Variants in DSCAM observed in about 807,000 individuals in gnomAD.
The protein encoded by DSCAM is DS cell adhesion molecule.
DSCAM carries 47 observed loss-of-function variants against 217.7 expected under a neutral mutation model. The ratio of observed to expected loss-of-function variants is 0.22; its 90% CI spans 0.17 to 0.28. The LOEUF (loss-of-function observed/expected upper bound fraction) is 0.28, where lower values mean the gene tolerates loss of function less well. Ranked by LOEUF, DSCAM falls within the 10% of genes least tolerant of loss-of-function variation. The probability of loss-of-function intolerance (pLI) is 1.00; values close to 1 mark genes in which losing one functional copy is unlikely to be tolerated. For missense variants in DSCAM, 2,080 were observed against 2,618.3 expected, an observed-to-expected ratio of 0.79 and a Z score of 4.49; for synonymous variants, 1,056 against 1,015.3, an observed-to-expected ratio of 1.04 and a Z score of -0.76.
chr21:40,654,094 C>CAAAAA (rs1479399594), intron 3 of DSCAM, among the ~76,000 whole-genome samples: 2 of 100,822 alleles, frequency 2.0e-5, no homozygotes, highest in East Asian at 2.9e-4. Flanking sequence ...GATTCCATCT[C>CAAAAA]AAAAAGAAAA....
intron 3 of DSCAM, among the ~76,000 whole-genome samples, chr21:40,453,757 T>C (rs773095871): frequency 1.4e-4 from 21 of 152,222 alleles, no homozygotes; most frequent in Non-Finnish European, 2.2e-4. Context: ...GCACTGAGGT[T>C]ATATAAAGTA....
chr21:40,739,795 TTC>T (rs1491328970), intron 1 of DSCAM, among the ~76,000 whole-genome samples: 4 of 151,422 alleles, frequency 2.6e-5, no homozygotes, highest in African/African-American at 9.8e-5. Context: ...TTTTTTTTTT[TTC>T]CCCCAGAAAA....
rs576462491 is a variant in DSCAM at position 40,782,158 on chromosome 21, G to A, written c.43+64461C>T. Among the ~76,000 whole-genome samples, 16 of 151,722 alleles carry A rather than the reference G, an allele frequency of 1.1e-4. No homozygotes were observed. In the East Asian group the frequency reaches 1.4e-3, roughly 13 times the overall value. On this transcript the variant is annotated intron_variant, in intron 1 of 32. Transcript: ENST00000400454. The stretch of plus-strand genomic sequence containing the variant: ...TGCACTCCAGCCTGGGCGACAGAGC[G>A]AGACTCCATCTCAAAAACAAAAAAC...
At chr21:40,265,027 G>GAA (rs112537966) in intron 11 of DSCAM, among the ~76,000 whole-genome samples, 1 of 151,206 alleles carries the variant, frequency 6.6e-6, no homozygotes, top group African/African-American at 2.4e-5. Context: ...CATTTATACT[G>GAA]AAAAAAAATA....
At position 40,686,426 on chromosome 21, in the gene DSCAM, C is replaced by A. The variant is rs2090479136; in HGVS notation, c.508+6384G>T. On this transcript the variant is annotated intron_variant, in intron 3 of 32. Coordinates refer to ENST00000400454, the MANE Select transcript of DSCAM (RefSeq NM_001389.5). The stretch of plus-strand genomic sequence containing the variant: ...ACACACACGTATGCACACACCACAC[C>A]AAACACCACACACATATGTGGACAC... 3.3e-5 allele frequency among the ~76,000 whole-genome samples: 5 copies of A among 152,120 alleles called. No homozygotes were observed. In the South Asian group the frequency reaches 1.0e-3, roughly 32 times the overall value.
At chr21:40,649,393 A>G (rs1568962252) in intron 3 of DSCAM, among the ~76,000 whole-genome samples, 1 of 152,028 alleles carries the variant, frequency 6.6e-6, no homozygotes, top group African/African-American at 2.4e-5. Flanking sequence ...CCACACCACC[A>G]CCACAGCCTC....
chr21:40,257,662 A>G (rs1476195628), intron 11 of DSCAM, among the ~76,000 whole-genome samples: 1 of 152,158 alleles, frequency 6.6e-6, no homozygotes, highest in Non-Finnish European at 1.5e-5. Context: ...AGTTGTGGAA[A>G]TAATTTTACA....
chr21:40,405,711 A>C (rs2075274216), intron 3 of DSCAM, among the ~76,000 whole-genome samples: 1 of 152,224 alleles, frequency 6.6e-6, no homozygotes, highest in African/African-American at 2.4e-5. Flanking sequence ...AAAAGATGAT[A>C]TATAGCCGGG....
intron 19 of DSCAM, among the ~76,000 whole-genome samples, chr21:40,127,469 C>G (rs1381072748): frequency 6.6e-6 from 1 of 152,188 alleles, no homozygotes; most frequent in Non-Finnish European, 1.5e-5. Context: ...TCATGAATTC[C>G]TGGGCATCAT....
intron 15 of DSCAM, 54 bp downstream of exon 15, chr21:40,178,873 C>G (rs914424295): frequency 3.7e-6 from 6 of 1,608,462 alleles, no homozygotes; most frequent in African/African-American, 1.3e-5. Context: ...TCTGAGCCCT[C>G]AAGAGTTAGC....
At chr21:40,664,264 TAAGTGGGGACTC>T (rs1288261256) in intron 3 of DSCAM, among the ~76,000 whole-genome samples, 3 of 152,136 alleles carry the variant, frequency 2.0e-5, no homozygotes, top group South Asian at 4.1e-4. Context: ...ATGGAAGGAG[TAAGTGGGGACTC>T]CCCACTGGGA....
intron 2 of DSCAM, among the ~76,000 whole-genome samples, chr21:40,694,743 A>G (rs951525634): frequency 1.3e-5 from 2 of 152,042 alleles, no homozygotes; most frequent in African/African-American, 2.4e-5. Context: ...GGCGCCCAAG[A>G]GACTGACCTC....
At chr21:40,025,505 C>T (rs1398711237) in intron 32 of DSCAM, among the ~76,000 whole-genome samples, 2 of 149,198 alleles carry the variant, frequency 1.3e-5, no homozygotes, top group African/African-American at 2.5e-5. Context: ...TGGTCCTGGA[C>T]TCTTTTTGGT....
intron 3 of DSCAM, among the ~76,000 whole-genome samples, chr21:40,473,603 C>T (rs2075907991): frequency 6.6e-6 from 1 of 152,178 alleles, no homozygotes; most frequent in South Asian, 2.1e-4. Flanking sequence ...TGTGCATATA[C>T]AACTATTGTC....
intron 3 of DSCAM, among the ~76,000 whole-genome samples, chr21:40,548,509 A>T (rs943582632): frequency 8.9e-4 from 52 of 58,112 alleles, no homozygotes; most frequent in African/African-American, 2.4e-3. Context: ...CCAGTAAAAA[A>T]AAAAATATAT....
chr21:40,058,062 C>A (rs1358084837), intron 28 of DSCAM, among the ~76,000 whole-genome samples: 1 of 151,836 alleles, frequency 6.6e-6, no homozygotes, highest in Non-Finnish European at 1.5e-5. Context: ...TTAGTAGAGA[C>A]CGGGTTTCGC....
chr21:40,398,305 A>C (rs2075200777), intron 3 of DSCAM, among the ~76,000 whole-genome samples: 1 of 152,188 alleles, frequency 6.6e-6, no homozygotes, highest in East Asian at 1.9e-4. Flanking sequence ...CTTGTCCCAG[A>C]TCCTAACCTA....
chr21:40,262,335 C>CT (rs1236821800), intron 11 of DSCAM, among the ~76,000 whole-genome samples: 1 of 152,112 alleles, frequency 6.6e-6, no homozygotes, highest in East Asian at 1.9e-4. Flanking sequence ...CCATGTCATG[C>CT]TTTATGCAGC....
At chr21:40,554,519 G>T (rs139701308) in intron 3 of DSCAM, among the ~76,000 whole-genome samples, 1 of 152,184 alleles carries the variant, frequency 6.6e-6, no homozygotes, top group African/African-American at 2.4e-5. Flanking sequence ...CAGTCATCTA[G>T]TCAACAGTAA....
Sources: gnomAD v4.1 joint callset for allele counts (sites outside exome capture counted in the v4.1 genomes callset) on GRCh38, gnomAD v4.1.1 for gene constraint, MANE v1.5 for transcripts, NCBI Gene and HGNC (gene_info 2026-07-23, HGNC 2026-07-21) for gene names.